The following SEPTIN12 variants were observed in gnomAD, a reference collection of about 807,000 sequenced individuals.
The protein encoded by SEPTIN12 is septin 12, also known as septin-12.
A neutral mutation model predicts 37.7 loss-of-function variants in SEPTIN12; 42 were observed. That is an observed-to-expected ratio of 1.11 (90% CI 0.87 to 1.44). SEPTIN12 has a LOEUF of 1.44. SEPTIN12 is among the 40% of genes most tolerant of loss of function. SEPTIN12 has a pLI of 0.00. For synonymous variants in SEPTIN12, 254 were observed against 196.7 expected (o/e 1.29, Z -2.44); for missense variants, 613 against 479.2 (o/e 1.28, Z -2.61).
chr16:4,789,696 T>C (rs2082520731), upstream of SEPTIN12, among the ~76,000 whole-genome samples: 1 of 152,088 alleles, frequency 6.6e-6, no homozygotes, highest in African/African-American at 2.4e-5. Context: ...TGGGTTCTAG[T>C]GATCCTCTCA....
Position 4,787,477 on chromosome 16 carries a change from C to G in SEPTIN12, c.166+3G>C. The G allele has an allele frequency of 6.2e-7, 1 of 1,612,298 alleles. No homozygotes were observed. Among genetic ancestry groups the G allele is most frequent in the Non-Finnish European group, 8.5e-7 (1 of 1,179,900 alleles). On this transcript the variant is annotated splice_donor_region_variant and intron_variant, in intron 2 of 9. Transcript: ENST00000268231. Reference sequence around the variant, plus strand: ...CCTGCCGTGGGCCCTACCTCTCACTCACCCACCACCATGATGTTGAACTCA... The same window carrying G: ...CCTGCCGTGGGCCCTACCTCTCACTGACCCACCACCATGATGTTGAACTCA...
At chr16:4,785,058 C>T (rs1020517140) in intron 4 of SEPTIN12, among the ~76,000 whole-genome samples, 1 of 151,986 alleles carries the variant, frequency 6.6e-6, no homozygotes, top group African/African-American at 2.4e-5. Context: ...ACCAGCCTGG[C>T]CAACGTGGTG....
rs767973215 is a variant in SEPTIN12, at chr16:4,779,696, T to C, written c.817A>G (p.Ile273Val). 2.5e-6 allele frequency: 4 copies of C among 1,609,722 alleles called. No individual in the cohort carries two copies. Among genetic ancestry groups the C allele is most frequent in the East Asian group, 2.2e-5 (1 of 44,866 alleles). Reference protein sequence around the residue: ...VLGRKTKWGIIEVENMAHCEF... With the variant: ...VLGRKTKWGIVEVENMAHCEF... Reference sequence around the variant, plus strand: ...CCAGGGGCCCCGCACTGACCTTCAATGATGCCCCACTTGGTCTTCCGGCCC... The same window carrying C: ...CCAGGGGCCCCGCACTGACCTTCAACGATGCCCCACTTGGTCTTCCGGCCC... Residue 273 changes from isoleucine (I) to valine (V), a missense_variant, in exon 8 of 10, where the codon ATT becomes GTT. Coordinates refer to ENST00000268231, the MANE Select transcript of SEPTIN12 (RefSeq NM_144605.5).
intron 8 of SEPTIN12, 35 bp from the exon 9 acceptor site, chr16:4,778,172 A>G (rs763027387): frequency 4.1e-5 from 66 of 1,611,664 alleles, no homozygotes; most frequent in Non-Finnish European, 5.4e-5. Flanking sequence ...GGCGCTGCTT[A>G]GTGAGCACTG....
In SEPTIN12 at chr16:4,787,371, C is replaced by G; in HGVS notation, c.166+109G>C. Reference sequence around the variant, plus strand: ...ATCCCTGTGAGGTGCTATTATCAGGCCCACCTAAGAGATGGGGAGGGGCGA... The same window carrying G: ...ATCCCTGTGAGGTGCTATTATCAGGGCCACCTAAGAGATGGGGAGGGGCGA... On this transcript the variant is annotated intron_variant, in intron 2 of 9. Transcript: ENST00000268231. 4.1e-6 allele frequency: 4 copies of G among 970,102 alleles called. No homozygotes were observed. In the South Asian group the frequency reaches 5.2e-5, roughly 13 times the overall value. The allele number at this position is 970,102 out of a possible 1,614,324, so 60.1% of individuals were successfully genotyped here.
chr16:4,789,556 G>A (rs918434912), upstream of SEPTIN12, among the ~76,000 whole-genome samples: 8 of 152,104 alleles, frequency 5.3e-5, no homozygotes, highest in Non-Finnish European at 1.2e-4. Context: ...TCGATCTCCT[G>A]ATCTCGTGAT....
At chr16:4,789,306 CTTTT>C (rs980508622), upstream of SEPTIN12, among the ~76,000 whole-genome samples, 1 of 150,858 alleles carries the variant, frequency 6.6e-6, no homozygotes, top group Non-Finnish European at 1.5e-5. Flanking sequence ...CATGCCTGGC[CTTTT>C]TTTTTCTTTT....
chr16:4,783,573 A>T lies in SEPTIN12; in HGVS notation c.631-16T>A, dbSNP rs1555488365. ...TCTGCTGGATCTGGAGATCCCACAC[A>T]GGTGACCTCAGCCCACCCTGCCCAC... On this transcript the variant is annotated splice_polypyrimidine_tract_variant and intron_variant, in intron 6 of 9. Transcript: ENST00000268231. The T allele has an allele frequency of 1.9e-6, 3 of 1,612,638 alleles. No homozygotes were observed. The highest frequency in any genetic ancestry group is 1.7e-5 in the Admixed American group (1 of 60,002).
upstream of SEPTIN12, among the ~76,000 whole-genome samples, chr16:4,791,601 G>C (rs531527345): frequency 6.6e-6 from 1 of 152,166 alleles, no homozygotes; most frequent in Admixed American, 6.6e-5. Context: ...CCTGGGTCCA[G>C]AAGTCTGACT....
At chr16:4,784,110 C>T (rs750600403) in intron 4 of SEPTIN12, 42 bp from the exon 5 acceptor site, 5 of 1,608,986 alleles carry the variant, frequency 3.1e-6, no homozygotes, top group Non-Finnish European at 4.2e-6. Flanking sequence ...CTGTGCTGTG[C>T]CCAGAGAGCC....
intron 7 of SEPTIN12, among the ~76,000 whole-genome samples, chr16:4,781,817 T>C (rs989513176): frequency 5.9e-5 from 9 of 151,694 alleles, no homozygotes; most frequent in Non-Finnish European, 1.2e-4. Context: ...GCTAATTTTG[T>C]ATTTTTAGGA....
rs34269550 is a variant in SEPTIN12, at chr16:4,785,249, T to TA, written c.374+557dup. On this transcript the variant is annotated intron_variant, in intron 4 of 9. Coordinates refer to ENST00000268231, the MANE Select transcript of SEPTIN12 (RefSeq NM_144605.5). ...CTGGGTGACAAGAGCGAGTCTGTCT[T>TA]AAAAAAAAAAAAAATTAGCCGGAAA... Among the ~76,000 whole-genome samples the TA allele has an allele frequency of 9.8e-3, 1,419 of 144,154 alleles. 27 individuals are homozygous for TA. Among genetic ancestry groups the TA allele is most frequent in the African/African-American group, 0.034 (1,321 of 38,856 alleles). 94.6% of individuals were successfully genotyped at this position (144,154 alleles called of 152,430 possible). A position where few individuals can be genotyped will look rare whatever the true frequency, so the allele number is the denominator to read the frequency against.
intron 4 of SEPTIN12, chr16:4,785,598 A>AC (rs1456419442): frequency 2.0e-5 from 11 of 537,456 alleles, no homozygotes; most frequent in African/African-American, 1.5e-4. Context: ...ACATGGTGAA[A>AC]CCCCATCTCA....
Position 4,786,060 on chromosome 16 carries a change from T to C in SEPTIN12, c.212A>G (p.Lys71Arg). The C allele has an allele frequency of 6.2e-7, 1 of 1,613,960 alleles. No homozygotes were observed. Among genetic ancestry groups the C allele is most frequent in the African/African-American group, 1.3e-5 (1 of 75,056 alleles). The change falls in exon 3 of 10, where the codon AAG (lysine) becomes AGG (arginine). Residue 71 changes from lysine to arginine, a missense_variant. Physicochemically the swap from Lys to Arg is conservative, Grantham distance 26 (BLOSUM62 2). Transcript: ENST00000268231. ...TGGGTTTGACTTCCACACTTTGGAC[T>C]TGAACAGCGTGTTCACCATCGTGGA... Reference protein sequence around the residue: ...GKSTMVNTLFKSKVWKSNPPG... With the variant: ...GKSTMVNTLFRSKVWKSNPPG...
upstream of SEPTIN12, among the ~76,000 whole-genome samples, chr16:4,788,962 T>C (rs1464300533): frequency 6.6e-6 from 1 of 152,232 alleles, no homozygotes; most frequent in Non-Finnish European, 1.5e-5. Flanking sequence ...ATAGGCCATG[T>C]GCTTTCCAGA....
chr16:4,787,917 C>T, intron 1 of SEPTIN12: 1 of 400,912 alleles, frequency 2.5e-6, no homozygotes, highest in Non-Finnish European at 4.5e-6. Flanking sequence ...CTGTCCCCAC[C>T]TACAGCCCAG....
Position 4,783,540 on chromosome 16 carries a change from C to A in SEPTIN12, c.648G>T (p.Arg216Ser). 1.9e-6 allele frequency: 3 copies of A among 1,614,144 alleles called. No homozygotes were observed. Among genetic ancestry groups the A allele is most frequent in the Non-Finnish European group, 2.5e-6 (3 of 1,180,004 alleles). ...GGGGGTAGACGTCGATGCAGTGGGT[C>A]CTCAGGTTCTGCTGGATCTGGAGAT... ...AFRRRIQQNLRTHCIDVYPQM... is the reference protein window; with the variant it reads ...AFRRRIQQNLSTHCIDVYPQM... Residue 216 changes from arginine (R) to serine (S), a missense_variant, in exon 7 of 10, where the codon AGG (arginine) becomes AGT (serine). Arg to Ser is a moderately radical substitution (Grantham distance 110). Transcript: ENST00000268231.
chr16:4,782,104 C>G (rs13331908), intron 7 of SEPTIN12, among the ~76,000 whole-genome samples: 10,275 of 151,788 alleles, frequency 0.068, 1,173 homozygotes, highest in African/African-American at 0.24. Context: ...GTGCGTGCCA[C>G]CACACGCAGC....
intron 7 of SEPTIN12, 68 bp from the exon 8 acceptor site, chr16:4,779,854 G>A (rs1596250778): frequency 2.8e-6 from 3 of 1,058,650 alleles, no homozygotes; most frequent in East Asian, 4.8e-5. Flanking sequence ...AAAAGTCAAG[G>A]CACCCAGGCA....
Sources: gnomAD v4.1 joint callset for allele counts (sites outside exome capture counted in the v4.1 genomes callset) on GRCh38, gnomAD v4.1.1 for gene constraint, MANE v1.5 for transcripts, NCBI Gene and HGNC (gene_info 2026-07-23, HGNC 2026-07-21) for gene names.